Variants in ALCAM observed in about 807,000 individuals in gnomAD.
ALCAM encodes the protein CD166 antigen.
A neutral mutation model predicts 70.9 loss-of-function variants in ALCAM; 30 were observed. That is an observed-to-expected ratio of 0.42 (90% CI 0.32 to 0.57). The LOEUF is 0.57. Ranked by LOEUF, ALCAM falls within the 20% of genes least tolerant of loss-of-function variation. The pLI, the probability that ALCAM is intolerant of heterozygous loss-of-function variation, is 0.11. For synonymous variants in ALCAM, 249 were observed against 242.5 expected (o/e 1.03, Z -0.25); for missense variants, 591 against 695.1 (o/e 0.85, Z 1.68).
intron 1 of ALCAM, among the ~76,000 whole-genome samples, chr3:105,372,516 A>G (rs2107319035): frequency 6.6e-6 from 1 of 152,180 alleles, no homozygotes; most frequent in South Asian, 2.1e-4. Context: ...TTCCTCTCTT[A>G]TTTATCCAGT....
At chr3:105,384,005 G>T (rs1935589713) in intron 1 of ALCAM, among the ~76,000 whole-genome samples, 1 of 151,514 alleles carries the variant, frequency 6.6e-6, no homozygotes, top group South Asian at 2.1e-4. Flanking sequence ...AGTCACGCAG[G>T]CAGTATTTAA....
At chr3:105,431,992 A>C (rs1936945582) in intron 1 of ALCAM, among the ~76,000 whole-genome samples, 1 of 152,182 alleles carries the variant, frequency 6.6e-6, no homozygotes, top group Non-Finnish European at 1.5e-5. Context: ...GCAAAACTTG[A>C]GCTGTAATAA....
chr3:105,467,582 G>A (rs1187505334), intron 1 of ALCAM, among the ~76,000 whole-genome samples: 1 of 151,096 alleles, frequency 6.6e-6, no homozygotes, highest in Non-Finnish European at 1.5e-5. Flanking sequence ...TAGTTTATTT[G>A]ACTCCTAAAC....
At chr3:105,558,041 G>A (rs1190703536) in intron 14 of ALCAM, among the ~76,000 whole-genome samples, 2 of 152,022 alleles carry the variant, frequency 1.3e-5, no homozygotes, top group Non-Finnish European at 2.9e-5. Context: ...TGGCCCAAGG[G>A]GAGACTCCTT....
At chr3:105,376,857 C>T (rs1400004170) in intron 1 of ALCAM, among the ~76,000 whole-genome samples, 1 of 152,026 alleles carries the variant, frequency 6.6e-6, no homozygotes, top group Non-Finnish European at 1.5e-5. Flanking sequence ...TTTCTAACTC[C>T]TGGAGGTGAA....
intron 7 of ALCAM, 134 bp downstream of exon 7, chr3:105,540,236 A>G (rs1314116108): frequency 1.2e-6 from 1 of 867,076 alleles, no homozygotes; most frequent in East Asian, 2.8e-5. Flanking sequence ...GTCACGTGGA[A>G]GCTTTTTCTG....
chr3:105,534,561 T>C (rs1404733750), intron 5 of ALCAM, 102 bp from the exon 6 acceptor site: 2 of 1,146,400 alleles, frequency 1.7e-6, no homozygotes, highest in Non-Finnish European at 2.6e-6. Flanking sequence ...TGAATACAGT[T>C]AGAAGGAAAA....
chr3:105,552,154 A>C lies in ALCAM; in HGVS notation c.1518A>C (p.Pro506=). 1 of 1,600,828 alleles carries C rather than the reference A, an allele frequency of 6.2e-7. No homozygotes were observed. The highest frequency in any genetic ancestry group is 1.1e-5 in the South Asian group (1 of 88,404). ...NSLNVSAISI[P]EHDEADEISD... The stretch of plus-strand genomic sequence containing the variant: ...CATTTTTCATTTCAGTAAGTATTCC[A>C]GAACACGATGAGGCAGACGAGATAA... Residue 506 remains proline, a synonymous_variant, in exon 13 of 16, where the codon CCA becomes CCC. Transcript: ENST00000306107.
chr3:105,376,714 T>A (rs191309604), intron 1 of ALCAM, among the ~76,000 whole-genome samples: 1 of 152,268 alleles, frequency 6.6e-6, no homozygotes, highest in East Asian at 1.9e-4. Context: ...AGATCTAGTC[T>A]GGGATTTAAG....
intron 4 of ALCAM, 74 bp from the exon 5 acceptor site, chr3:105,533,529 C>A: frequency 7.6e-7 from 1 of 1,320,490 alleles, no homozygotes; most frequent in Non-Finnish European, 1.1e-6. Flanking sequence ...TCTGCATTGC[C>A]TGAGTTTCTG....
intron 1 of ALCAM, among the ~76,000 whole-genome samples, chr3:105,413,367 G>A (rs1936434208): frequency 6.6e-6 from 1 of 152,100 alleles, no homozygotes; most frequent in African/African-American, 2.4e-5. Context: ...TATTTCTTCT[G>A]ATGTTAAATT....
chr3:105,467,850 A>C (rs1023129843), intron 1 of ALCAM, among the ~76,000 whole-genome samples: 2 of 151,258 alleles, frequency 1.3e-5, no homozygotes, highest in African/African-American at 4.8e-5. Context: ...GTAATACTGT[A>C]CATTTTTACC....
At chr3:105,466,855 AC>A (rs1937752426) in intron 1 of ALCAM, among the ~76,000 whole-genome samples, 1 of 151,336 alleles carries the variant, frequency 6.6e-6, no homozygotes, top group African/African-American at 2.4e-5. Context: ...AACAGCTTGA[AC>A]AAGTTAGGCT....
At chr3:105,430,349 G>A (rs373267216) in intron 1 of ALCAM, among the ~76,000 whole-genome samples, 101 of 151,698 alleles carry the variant, frequency 6.7e-4, no homozygotes, top group African/African-American at 2.3e-3. Flanking sequence ...TTTAGTCATC[G>A]TGTCTCTAAG....
At chr3:105,394,453 C>T (rs1935899914) in intron 1 of ALCAM, among the ~76,000 whole-genome samples, 1 of 151,944 alleles carries the variant, frequency 6.6e-6, no homozygotes, top group African/African-American at 2.4e-5. Flanking sequence ...CCCTGGTTCT[C>T]TTTTCAACAG....
At chr3:105,497,797 C>T (rs1025192585) in intron 1 of ALCAM, among the ~76,000 whole-genome samples, 1 of 151,940 alleles carries the variant, frequency 6.6e-6, no homozygotes, top group African/African-American at 2.4e-5. Flanking sequence ...TTTGGGAGGC[C>T]GAGGCGGGCG....
At chr3:105,544,334 C>A (rs1398219247) in intron 8 of ALCAM, among the ~76,000 whole-genome samples, 1 of 151,618 alleles carries the variant, frequency 6.6e-6, no homozygotes, top group East Asian at 1.9e-4. Context: ...CATCAGAGGC[C>A]ACGAACATAT....
At chr3:105,384,765 T>C (rs954589447) in intron 1 of ALCAM, among the ~76,000 whole-genome samples, 3 of 151,682 alleles carry the variant, frequency 2.0e-5, no homozygotes, top group African/African-American at 7.2e-5. Context: ...CAATTTTAAG[T>C]TTAAAAACTG....
rs1447435254 is a variant in ALCAM, at chr3:105,459,994, G to GA, written c.74-60067dup. Among the ~76,000 whole-genome samples, 3 of 151,910 alleles carry GA rather than the reference G, an allele frequency of 2.0e-5. No homozygotes were observed. In the East Asian group the frequency reaches 5.8e-4, roughly 29 times the overall value. The stretch of plus-strand genomic sequence containing the variant: ...GATTTTTTGATGACAAAAAAGTATA[G>GA]AAAAAATTGCTGGAAACATTAATTC... On this transcript the variant is annotated intron_variant, in intron 1 of 15. Transcript: ENST00000306107.
Sources: allele counts gnomAD v4.1 joint callset (sites outside exome capture counted in the v4.1 genomes callset), GRCh38; gene constraint gnomAD v4.1.1; transcripts MANE v1.5; gene names NCBI Gene and HGNC (gene_info 2026-07-23, HGNC 2026-07-21).